IL1RAPL2: variants seen among roughly 807,000 people sequenced by gnomAD.
The protein encoded by IL1RAPL2 is interleukin 1 receptor accessory protein like 2.
In IL1RAPL2, 3 loss-of-function variants were observed where a neutral mutation model predicts 44.1. The observed-to-expected ratio is 0.07, with a 90% CI of 0.03 to 0.18. The LOEUF (loss-of-function observed/expected upper bound fraction) is 0.18. Among genes scored for constraint, IL1RAPL2 ranks in the 10% least tolerant of loss-of-function variants. The probability of loss-of-function intolerance (pLI) is 1.00; values close to 1 mark genes in which losing one functional copy is unlikely to be tolerated. For synonymous variants in IL1RAPL2, 181 were observed against 178.8 expected (o/e 1.01, Z -0.10); for missense variants, 391 against 496.4 (o/e 0.79, Z 2.02).
At chrX:105,288,410 GA>G (rs60431670) in intron 5 of IL1RAPL2, among the ~76,000 whole-genome samples, 4,054 of 99,395 alleles carry the variant, frequency 0.041, 202 homozygotes, top group African/African-American at 0.13. Context: ...ATCTACTTTT[GA>G]AAAAAAAAAA....
chrX:105,043,599 A>G (rs770248629), intron 2 of IL1RAPL2, among the ~76,000 whole-genome samples: 1 of 109,623 alleles, frequency 9.1e-6, no homozygotes, highest in African/African-American at 3.3e-5. Context: ...TTGCTTTGAC[A>G]TAATAATCCA....
chrX:105,520,039 C>T lies in IL1RAPL2; in HGVS notation c.772+35652C>T, dbSNP rs189962478. ...AAACATTAAATTGGAAGCTACCCAA[C>T]GACAGTAGCTGTTCTGATGACTGCC... On this transcript the variant is annotated intron_variant, in intron 6 of 10. Coordinates refer to ENST00000372582, the MANE Select transcript of IL1RAPL2 (RefSeq NM_017416.2). 3.6e-4 allele frequency among the ~76,000 whole-genome samples: 40 copies of T among 111,854 alleles called. No individual in the cohort carries two copies. In the East Asian group the frequency reaches 9.4e-3, roughly 26 times the overall value.
chrX:105,337,113 G>A (rs1488350664), intron 5 of IL1RAPL2, among the ~76,000 whole-genome samples: 1 of 111,794 alleles, frequency 8.9e-6, no homozygotes, highest in Non-Finnish European at 1.9e-5. Flanking sequence ...ATATACTCTC[G>A]AGTTCACCAT....
intron 3 of IL1RAPL2, among the ~76,000 whole-genome samples, chrX:105,214,777 G>A (rs782061606): frequency 1.3e-4 from 14 of 111,474 alleles, no homozygotes; most frequent in East Asian, 2.8e-4. Flanking sequence ...ACAGTCTCTC[G>A]GACCACAGTG....
At chrX:105,528,637 G>A (rs997870241) in intron 6 of IL1RAPL2, among the ~76,000 whole-genome samples, 6 of 111,186 alleles carry the variant, frequency 5.4e-5, no homozygotes, top group Non-Finnish European at 7.6e-5. Flanking sequence ...CTACATACAC[G>A]GGTATGTCTG....
chrX:104,895,284 C>T (rs1923608256), intron 2 of IL1RAPL2, among the ~76,000 whole-genome samples: 1 of 112,384 alleles, frequency 8.9e-6, no homozygotes, highest in African/African-American at 3.2e-5. Context: ...AAACTCTGTG[C>T]TGGGAGAACC....
intron 6 of IL1RAPL2, among the ~76,000 whole-genome samples, chrX:105,650,156 T>C (rs2037633367): frequency 9.0e-6 from 1 of 111,474 alleles, no homozygotes; most frequent in African/African-American, 3.3e-5. Flanking sequence ...TTGTGCACTA[T>C]AGGTTGTTTT....
chrX:105,202,696 G>T (rs782779653), intron 3 of IL1RAPL2, among the ~76,000 whole-genome samples: 1 of 111,394 alleles, frequency 9.0e-6, no homozygotes, highest in Non-Finnish European at 1.9e-5. Flanking sequence ...TTCCAATTCA[G>T]TGGATCAATC....
chrX:104,770,375 G>C (rs1425838967), intron 2 of IL1RAPL2, among the ~76,000 whole-genome samples: 6 of 111,417 alleles, frequency 5.4e-5, no homozygotes, highest in Non-Finnish European at 1.1e-4. Context: ...GTCATCCTAT[G>C]TTCTAGTTTG....
At chrX:105,421,123 A>T (rs35164847) in intron 5 of IL1RAPL2, among the ~76,000 whole-genome samples, 1 of 111,911 alleles carries the variant, frequency 8.9e-6, no homozygotes, top group Non-Finnish European at 1.9e-5. Context: ...GACATGTGAG[A>T]CATCAATCAA....
rs866167273 is a variant in IL1RAPL2, at chrX:104,949,043, C to G, written c.83-246432C>G. On this transcript the variant is annotated intron_variant, in intron 2 of 10. Transcript: ENST00000372582. Reference sequence around the variant, plus strand: ...GTAGAATTCAGCTGTGAATCCATCTCGTCCTGGACTCTTTTTGGTTGGTAA... The same window carrying G: ...GTAGAATTCAGCTGTGAATCCATCTGGTCCTGGACTCTTTTTGGTTGGTAA... 4.2e-3 allele frequency among the ~76,000 whole-genome samples: 454 copies of G among 108,357 alleles called. 3 individuals carry two copies. Among genetic ancestry groups the G allele is most frequent in the Non-Finnish European group, 6.1e-3 (315 of 51,982 alleles). 94.1% of individuals were successfully genotyped at this position (108,357 alleles called of 115,157 possible).
intron 2 of IL1RAPL2, among the ~76,000 whole-genome samples, chrX:105,035,343 G>C (rs1433765441): frequency 8.9e-6 from 1 of 111,916 alleles, no homozygotes; most frequent in Non-Finnish European, 1.9e-5. Context: ...CTCACGCTAG[G>C]AGCTGTAGAC....
chrX:104,802,380 GAAGA>G (rs1932891207), intron 2 of IL1RAPL2, among the ~76,000 whole-genome samples: 4 of 103,834 alleles, frequency 3.9e-5, no homozygotes, highest in Admixed American at 1.0e-4. Flanking sequence ...AAAAAAAAAA[GAAGA>G]AAGAAAATCA....
chrX:105,090,380 T>C (rs2032529856), intron 2 of IL1RAPL2, among the ~76,000 whole-genome samples: 1 of 112,048 alleles, frequency 8.9e-6, no homozygotes, highest in Non-Finnish European at 1.9e-5. Context: ...GAAAAAAGTA[T>C]GTATAAGTAG....
intron 5 of IL1RAPL2, among the ~76,000 whole-genome samples, chrX:105,422,923 A>G (rs1468954338): frequency 4.5e-5 from 5 of 111,280 alleles, no homozygotes; most frequent in Non-Finnish European, 9.4e-5. Flanking sequence ...AAGAGGACCA[A>G]AACAAGACAA....
chrX:104,944,147 A>G (rs1375119539), intron 2 of IL1RAPL2, among the ~76,000 whole-genome samples: 1 of 111,535 alleles, frequency 9.0e-6, no homozygotes, highest in Non-Finnish European at 1.9e-5. Flanking sequence ...TATGCCCGCT[A>G]TCCACAAACA....
intron 5 of IL1RAPL2, among the ~76,000 whole-genome samples, chrX:105,338,540 G>A (rs749205255): frequency 9.0e-6 from 1 of 111,573 alleles, no homozygotes; most frequent in African/African-American, 3.3e-5. Context: ...CCTCCTCAGA[G>A]CCTGTTGTAC....
At chrX:105,401,335 G>A (rs968543986) in intron 5 of IL1RAPL2, among the ~76,000 whole-genome samples, 1 of 111,369 alleles carries the variant, frequency 9.0e-6, no homozygotes, top group African/African-American at 3.3e-5. Flanking sequence ...GGATCCTTAA[G>A]CAGAGTACAA....
At chrX:104,898,434 A>G (rs1923716215) in intron 2 of IL1RAPL2, among the ~76,000 whole-genome samples, 1 of 112,478 alleles carries the variant, frequency 8.9e-6, no homozygotes, top group Non-Finnish European at 1.9e-5. Flanking sequence ...ACCAAGCTAA[A>G]TTGAATTTAA....
Sources: allele counts gnomAD v4.1 joint callset (sites outside exome capture counted in the v4.1 genomes callset), GRCh38; gene constraint gnomAD v4.1.1; transcripts MANE v1.5; gene names NCBI Gene and HGNC (gene_info 2026-07-23, HGNC 2026-07-21).